The following DPP10 variants were observed in gnomAD, a reference collection of about 807,000 sequenced individuals.
DPP10 encodes inactive dipeptidyl peptidase 10.
Under a neutral mutation model 120.9 loss-of-function variants are expected in DPP10, and 33 were observed. The observed-to-expected ratio is 0.27, with a 90% CI of 0.21 to 0.37. The LOEUF (loss-of-function observed/expected upper bound fraction) is 0.37, where lower values mean the gene tolerates loss of function less well. DPP10 is among the 10% of genes least tolerant of loss of function. The pLI, the probability that DPP10 is intolerant of heterozygous loss-of-function variation, is 1.00. For synonymous variants in DPP10, 337 were observed against 326.1 expected (o/e 1.03, Z -0.36); for missense variants, 816 against 942.8 (o/e 0.87, Z 1.76).
At chr2:115,536,190 G>A (rs868076613) in intron 5 of DPP10, among the ~76,000 whole-genome samples, 2 of 151,934 alleles carry the variant, frequency 1.3e-5, no homozygotes, top group Middle Eastern at 3.4e-3. Flanking sequence ...TAATGTACTG[G>A]TTTATCTCAT....
rs182084596 is a variant in DPP10, at chr2:114,981,380, G to A, written c.61-327859G>A. On this transcript the variant is annotated intron_variant, in intron 1 of 25. Coordinates refer to ENST00000410059, the MANE Select transcript of DPP10 (RefSeq NM_020868.6). The stretch of plus-strand genomic sequence containing the variant: ...GTGTGTGAAAAATGTATCTTTTACC[G>A]AAAAAAAAGCAAGTTGAAAAAACAA... 3.6e-3 allele frequency among the ~76,000 whole-genome samples: 548 copies of A among 150,444 alleles called. 1 individual carries two copies. The highest frequency in any genetic ancestry group is 6.2e-3 in the Non-Finnish European group (421 of 67,522).
chr2:115,016,287 A>C (rs962152437), intron 1 of DPP10, among the ~76,000 whole-genome samples: 1 of 152,178 alleles, frequency 6.6e-6, no homozygotes, highest in Non-Finnish European at 1.5e-5. Context: ...GGTTTTTGGA[A>C]AACTGGCTAG....
intron 1 of DPP10, among the ~76,000 whole-genome samples, chr2:114,525,741 C>T (rs1336341853): frequency 6.6e-6 from 1 of 152,198 alleles, no homozygotes; most frequent in Non-Finnish European, 1.5e-5. Flanking sequence ...TAAACCATTT[C>T]TTGGGGCTGT....
chr2:114,789,120 T>C (rs113452971), intron 1 of DPP10, among the ~76,000 whole-genome samples: 2 of 152,218 alleles, frequency 1.3e-5, no homozygotes, highest in African/African-American at 2.4e-5. Flanking sequence ...CTGGAAATAC[T>C]GTTTACTGGG....
intron 4 of DPP10, among the ~76,000 whole-genome samples, chr2:115,505,271 ATAAC>A (rs2076881213): frequency 6.6e-6 from 1 of 152,030 alleles, no homozygotes; most frequent in South Asian, 2.1e-4. Context: ...TAAAAATAAT[ATAAC>A]TAAATTGTTT....
intron 5 of DPP10, among the ~76,000 whole-genome samples, chr2:115,532,064 C>A (rs1190652513): frequency 1.3e-5 from 2 of 152,054 alleles, no homozygotes; most frequent in Non-Finnish European, 1.5e-5. Flanking sequence ...ATGAGCAATG[C>A]ATTATTGTAT....
intron 1 of DPP10, among the ~76,000 whole-genome samples, chr2:114,821,852 G>A (rs1231697844): frequency 6.6e-6 from 1 of 152,220 alleles, no homozygotes; most frequent in Non-Finnish European, 1.5e-5. Flanking sequence ...GGTGTAAGAA[G>A]TTGGCTCCCA....
At chr2:115,194,424 G>A (rs76403399) in intron 1 of DPP10, among the ~76,000 whole-genome samples, 4 of 152,116 alleles carry the variant, frequency 2.6e-5, no homozygotes, top group South Asian at 2.1e-4. Flanking sequence ...GGATTTCTCC[G>A]TGTTAAGGAT....
At chr2:115,156,321 T>C (rs1193229295) in intron 1 of DPP10, among the ~76,000 whole-genome samples, 1 of 152,190 alleles carries the variant, frequency 6.6e-6, no homozygotes, top group Non-Finnish European at 1.5e-5. Context: ...GAAAGTCAAT[T>C]GGTAGAGACA....
intron 3 of DPP10, among the ~76,000 whole-genome samples, chr2:115,410,704 C>T (rs990449010): frequency 1.3e-5 from 2 of 152,194 alleles, no homozygotes; most frequent in Non-Finnish European, 2.9e-5. Flanking sequence ...AAAGACTACA[C>T]ATTGGGTGCA....
intron 2 of DPP10, among the ~76,000 whole-genome samples, chr2:115,309,614 C>T (rs976248163): frequency 4.6e-5 from 7 of 151,996 alleles, no homozygotes; most frequent in Non-Finnish European, 8.8e-5. Context: ...TCTCCATTGC[C>T]ACTTACAGAC....
At chr2:115,033,592 T>C (rs1368162824) in intron 1 of DPP10, among the ~76,000 whole-genome samples, 6 of 152,148 alleles carry the variant, frequency 3.9e-5, no homozygotes, top group African/African-American at 1.4e-4. Context: ...GAAAGTGTAC[T>C]CTTAAAATAG....
chr2:115,181,933 A>G (rs1014270844), intron 1 of DPP10, among the ~76,000 whole-genome samples: 1 of 152,196 alleles, frequency 6.6e-6, no homozygotes, highest in African/African-American at 2.4e-5. Context: ...TTCAGCCATA[A>G]TTTTTCAACA....
At chr2:114,510,653 A>G (rs1684067111) in intron 1 of DPP10, among the ~76,000 whole-genome samples, 1 of 152,156 alleles carries the variant, frequency 6.6e-6, no homozygotes, top group African/African-American at 2.4e-5. Context: ...TAAATGGGTT[A>G]ATGCAAGTAA....
chr2:114,864,580 T>A (rs1389931703), intron 1 of DPP10, among the ~76,000 whole-genome samples: 1 of 152,178 alleles, frequency 6.6e-6, no homozygotes, highest in African/African-American at 2.4e-5. Context: ...CTTCTTTACT[T>A]ATTTACAGGA....
chr2:115,513,615 T>C (rs568627311), intron 4 of DPP10, among the ~76,000 whole-genome samples: 2 of 152,156 alleles, frequency 1.3e-5, no homozygotes, highest in East Asian at 3.9e-4. Context: ...TCAGATAAAA[T>C]ACTAATTTAA....
At chr2:114,727,005 C>T (rs1177525828) in intron 1 of DPP10, among the ~76,000 whole-genome samples, 1 of 152,196 alleles carries the variant, frequency 6.6e-6, no homozygotes, top group Non-Finnish European at 1.5e-5. Context: ...TCTAGGTTTT[C>T]CACCTGGAAA....
chr2:114,624,128 G>T (rs904005820), intron 1 of DPP10, among the ~76,000 whole-genome samples: 1 of 151,942 alleles, frequency 6.6e-6, no homozygotes, highest in African/African-American at 2.4e-5. Flanking sequence ...AAGCATTGAA[G>T]AGGTAATGGT....
chr2:115,742,352 T>C (rs896272334), intron 9 of DPP10, among the ~76,000 whole-genome samples: 1 of 152,176 alleles, frequency 6.6e-6, no homozygotes, highest in African/African-American at 2.4e-5. Context: ...CTCCATTTAC[T>C]CCTAATGACT....
Sources: allele counts gnomAD v4.1 joint callset (sites outside exome capture counted in the v4.1 genomes callset), GRCh38; gene constraint gnomAD v4.1.1; transcripts MANE v1.5; gene names NCBI Gene and HGNC (gene_info 2026-07-23, HGNC 2026-07-21).